Variants in WHR1 observed in about 807,000 individuals in gnomAD.
WHR1 encodes MHC class III HLA-RP1.
At chr6:31,976,185 C>T in the WHR1 span, among the ~76,000 whole-genome samples, 1 of 150,532 alleles carries the variant, frequency 6.6e-6, no homozygotes, top group Non-Finnish European at 1.5e-5. Context: ...GGCAGAGGGG[C>T]TCCTCACTTC....
the WHR1 span, chr6:31,972,143 C>T: frequency 2.5e-6 from 4 of 1,612,908 alleles, no homozygotes; most frequent in Non-Finnish European, 2.5e-6. The surrounding 1 kb of genome is among the most constrained non-coding windows in gnomAD (Gnocchi z 6.3). Context: ...GCCAACGAGT[C>T]CCCGGGCGTG....
At chr6:31,972,739 C>G in the WHR1 span, 29 of 1,612,712 alleles carry the variant, frequency 1.8e-5, no homozygotes, top group Non-Finnish European at 2.3e-5. The surrounding 1 kb of genome is among the most constrained non-coding windows in gnomAD (Gnocchi z 6.3). Flanking sequence ...CTGACAGGAC[C>G]GTGGCCGACC....
chr6:31,971,285 G>A, the WHR1 span: 4 of 1,537,474 alleles, frequency 2.6e-6, no homozygotes, highest in Non-Finnish European at 3.5e-6. The surrounding 1 kb of genome is among the most constrained non-coding windows in gnomAD (Gnocchi z 4.5). Flanking sequence ...GTAGGTACGG[G>A]TCTCCAGATA....
the WHR1 span, chr6:31,971,842 C>A: frequency 7.4e-7 from 1 of 1,354,806 alleles, no homozygotes; most frequent in Non-Finnish European, 9.8e-7. This position sits in a 1 kb window ranked among gnomAD's most constrained non-coding sequence, Gnocchi z 4.5. Context: ...TGCCTCTTTC[C>A]TTGCCCTTCA....
the WHR1 span, chr6:31,971,637 T>C: frequency 2.5e-6 from 4 of 1,610,872 alleles, no homozygotes; most frequent in Non-Finnish European, 2.5e-6. The surrounding 1 kb of genome is among the most constrained non-coding windows in gnomAD (Gnocchi z 4.5). Flanking sequence ...CAGCTACCTC[T>C]GTCTTCTCAG....
the WHR1 span, chr6:31,979,019 G>A: frequency 3.1e-6 from 5 of 1,609,746 alleles, no homozygotes; most frequent in Non-Finnish European, 4.2e-6. Flanking sequence ...GTGTGCGTCA[G>A]GGGTGCTGGG....
chr6:31,979,427 G>A, the WHR1 span: 1 of 1,612,948 alleles, frequency 6.2e-7, no homozygotes, highest in Non-Finnish European at 8.5e-7. Flanking sequence ...CTCAAGGCCT[G>A]TGATGGCCGA....
At chr6:31,972,811 C>T in the WHR1 span, 1 of 1,600,344 alleles carries the variant, frequency 6.2e-7, no homozygotes, top group South Asian at 1.1e-5. The surrounding 1 kb of genome is among the most constrained non-coding windows in gnomAD (Gnocchi z 6.3). Flanking sequence ...CCTGGAATTC[C>T]CTGTCACTCA....
the WHR1 span, among the ~76,000 whole-genome samples, chr6:31,974,941 C>G: frequency 6.6e-6 from 1 of 152,210 alleles, no homozygotes; most frequent in Non-Finnish European, 1.5e-5. Context: ...CCAGATGGAA[C>G]CACTCCTTAA....
At chr6:31,978,358 G>A in the WHR1 span, among the ~76,000 whole-genome samples, 2 of 151,938 alleles carry the variant, frequency 1.3e-5, no homozygotes, top group Non-Finnish European at 2.9e-5. Context: ...GACTGGTCTC[G>A]AACTCCTGTC....
At chr6:31,973,068 T>C in the WHR1 span, 2 of 631,394 alleles carry the variant, frequency 3.2e-6, no homozygotes, top group Non-Finnish European at 5.9e-6. Flanking sequence ...GTTTCCATCT[T>C]ACACTGAGGC....
chr6:31,977,823 TCA>T, the WHR1 span, among the ~76,000 whole-genome samples: 941 of 151,708 alleles, frequency 6.2e-3, 28 homozygotes, highest in South Asian at 0.078. Flanking sequence ...AGTTAGAGTC[TCA>T]CTCTGTCACC....
the WHR1 span, among the ~76,000 whole-genome samples, chr6:31,974,205 G>A: frequency 4.0e-5 from 6 of 151,720 alleles, no homozygotes; most frequent in Non-Finnish European, 4.4e-5. Flanking sequence ...GCTTGAGCTG[G>A]GGAGGCGGAG....
At chr6:31,979,711 C>A in the WHR1 span, 1 of 965,796 alleles carries the variant, frequency 1.0e-6, no homozygotes, top group Non-Finnish European at 1.5e-6. Context: ...GTTTGTATTC[C>A]TCCCCACAAG....
the WHR1 span, chr6:31,980,537 A>G: frequency 6.2e-7 from 1 of 1,612,778 alleles, no homozygotes; most frequent in Non-Finnish European, 8.5e-7. Context: ...TTCATCAAGT[A>G]CTTTGTTAAA....
At chr6:31,971,464 C>A in the WHR1 span, 3 of 1,614,004 alleles carry the variant, frequency 1.9e-6, no homozygotes, top group African/African-American at 4.0e-5. The surrounding 1 kb of genome is among the most constrained non-coding windows in gnomAD (Gnocchi z 4.5). Flanking sequence ...GGGGGGTGGG[C>A]TATAGTAGCG....
At chr6:31,971,834 CCT>C in the WHR1 span, 1 of 1,331,224 alleles carries the variant, frequency 7.5e-7, no homozygotes, top group East Asian at 2.5e-5. This position sits in a 1 kb window ranked among gnomAD's most constrained non-coding sequence, Gnocchi z 4.5. Context: ...TCTCATCCTG[CCT>C]CTTTCCTTGC....
chr6:31,971,845 G>C, the WHR1 span: 1 of 1,356,282 alleles, frequency 7.4e-7, no homozygotes, highest in Non-Finnish European at 9.8e-7. The surrounding 1 kb of genome is among the most constrained non-coding windows in gnomAD (Gnocchi z 4.5). Context: ...CTCTTTCCTT[G>C]CCCTTCACCC....
the WHR1 span, chr6:31,971,394 G>C: frequency 6.3e-7 from 1 of 1,592,944 alleles, no homozygotes; most frequent in Non-Finnish European, 8.6e-7. The surrounding 1 kb of genome is among the most constrained non-coding windows in gnomAD (Gnocchi z 4.5). Flanking sequence ...CCTCGTCCCG[G>C]GGCTGGTATC....
Sources: allele counts gnomAD v4.1 joint callset (sites outside exome capture counted in the v4.1 genomes callset), GRCh38; gene constraint gnomAD v4.1.1; non-coding constraint Gnocchi (gnomAD v3.1); transcripts MANE v1.5; gene names NCBI Gene and HGNC (gene_info 2026-07-23, HGNC 2026-07-21).